Variants in TGS1 observed in about 807,000 individuals in gnomAD.
The protein encoded by TGS1 is trimethylguanosine synthase.
In TGS1, 69 loss-of-function variants were observed where a neutral mutation model predicts 92.2. The observed-to-expected ratio is 0.75, with a 90% CI of 0.62 to 0.91. The LOEUF is 0.91. Among genes scored for constraint, TGS1 ranks in the 40% least tolerant of loss-of-function variants. TGS1 has a pLI of 0.00. For missense variants in TGS1, 1,062 were observed against 1,001.2 expected, an observed-to-expected ratio of 1.06 and a Z score of -0.82; for synonymous variants, 345 against 338.1, an observed-to-expected ratio of 1.02 and a Z score of -0.22.
chr8:55,819,255 C>T (rs918413351), intron 12 of TGS1, among the ~76,000 whole-genome samples: 7 of 148,568 alleles, frequency 4.7e-5, no homozygotes, highest in African/African-American at 1.7e-4. Context: ...CCTCTTAGGA[C>T]ACCAGTGTAG....
At position 55,799,173 on chromosome 8, in the gene TGS1, AT is replaced by A. The variant is rs769463533; in HGVS notation, c.1804del (p.Cys602ValfsTer18). Reference protein sequence around the residue: ...SLLATVPDEQDCVTQEVPDSR... With the variant: ...SLLATVPDEQXCVTQEVPDSR... ...CTAGCAACTGTTCCAGATGAGCAGG[AT>A]TGTGTTACTCAAGAAGTGCCAGACT... On this transcript the variant is annotated frameshift_variant, in exon 8 of 13. Transcript: ENST00000260129. LOFTEE classifies it high-confidence loss of function. 7 of 1,614,122 alleles carry A rather than the reference AT, an allele frequency of 4.3e-6. No individual in the cohort carries two copies. Among genetic ancestry groups the A allele is most frequent in the Non-Finnish European group, 5.9e-6 (7 of 1,180,018 alleles).
chr8:55,800,089 T>C (rs1812180439), intron 8 of TGS1, among the ~76,000 whole-genome samples: 1 of 152,208 alleles, frequency 6.6e-6, no homozygotes, highest in Non-Finnish European at 1.5e-5. Context: ...ATTATATTTA[T>C]TGTGATCCTT....
rs200570881 is a variant in TGS1, at chr8:55,822,068, C to T, written c.2440-2513C>T. On this transcript the variant is annotated intron_variant, in intron 12 of 12. Coordinates refer to ENST00000260129, the MANE Select transcript of TGS1 (RefSeq NM_024831.8). ...ACAACAACAATATTGGCTTTTTTTT[C>T]TTTCTTTCTTTTTTTTTTTGAGGCA... 5.4e-5 allele frequency among the ~76,000 whole-genome samples: 8 copies of T among 149,098 alleles called. No homozygotes were observed. The East Asian group carries it at 1.2e-3, about 22-fold the overall frequency.
intron 8 of TGS1, among the ~76,000 whole-genome samples, chr8:55,801,985 G>A (rs903631398): frequency 1.3e-5 from 2 of 152,132 alleles, no homozygotes; most frequent in African/African-American, 2.4e-5. Context: ...ACAAGCTCGG[G>A]AGATCAAGAC....
intron 1 of TGS1, 85 bp from the exon 2 acceptor site, chr8:55,782,663 T>A (rs1311866788): frequency 3.9e-6 from 4 of 1,017,006 alleles, no homozygotes; most frequent in Non-Finnish European, 5.8e-6. Context: ...TTTTTATTAA[T>A]TAATCTATGA....
intron 1 of TGS1, among the ~76,000 whole-genome samples, chr8:55,775,143 A>G (rs1811353041): frequency 1.3e-5 from 2 of 151,842 alleles, no homozygotes; most frequent in Admixed American, 1.3e-4. Flanking sequence ...AGTCCCAGCT[A>G]CTCTGGAGGC....
At chr8:55,818,993 G>A (rs1383432183) in intron 12 of TGS1, among the ~76,000 whole-genome samples, 1 of 152,106 alleles carries the variant, frequency 6.6e-6, no homozygotes, top group Admixed American at 6.6e-5. Flanking sequence ...CCACAAGGCT[G>A]CAGTACAGTG....
In TGS1 at chr8:55,801,972, A is replaced by T. The variant is rs1321116496; in HGVS notation, c.1850-485A>T. Among the ~76,000 whole-genome samples, 10 of 152,136 alleles carry T rather than the reference A, an allele frequency of 6.6e-5. No individual in the cohort carries two copies. The East Asian group carries it at 1.9e-3, about 30-fold the overall frequency. On this transcript the variant is annotated intron_variant, in intron 8 of 12. Coordinates refer to ENST00000260129, the MANE Select transcript of TGS1 (RefSeq NM_024831.8). ...CACTTTGGGAGGCCAAGGCGGGTGG[A>T]TCACAAGCTCGGGAGATCAAGACCA...
intron 7 of TGS1, among the ~76,000 whole-genome samples, chr8:55,797,926 G>T (rs1812104616): frequency 6.6e-6 from 1 of 152,004 alleles, no homozygotes; most frequent in South Asian, 2.1e-4. Context: ...GTTTTATTTT[G>T]TATTACATTT....
At position 55,782,719 on chromosome 8, in the gene TGS1, C is replaced by G. The variant is rs542095683; in HGVS notation, c.102-29C>G. On this transcript the variant is annotated intron_variant, in intron 1 of 12. Transcript: ENST00000260129. ...TCTAAACTGATGGCTTAATTCATTT[C>G]AATATGAACTGCTTAATCTGCTTCG... The G allele has an allele frequency of 2.8e-5, 43 of 1,554,036 alleles. No individual in the cohort carries two copies. In the South Asian group the frequency reaches 5.2e-4, roughly 19 times the overall value.
intron 5 of TGS1, among the ~76,000 whole-genome samples, chr8:55,790,922 C>G (rs1028757396): frequency 2.0e-5 from 3 of 152,032 alleles, no homozygotes; most frequent in African/African-American, 7.2e-5. Context: ...CACTTAGTAG[C>G]TATCAATGGA....
At position 55,773,578 on chromosome 8, in the gene TGS1, A is replaced by T; in HGVS notation, c.-41A>T. On this transcript the variant is annotated 5_prime_UTR_variant, in exon 1 of 13. Transcript: ENST00000260129. ...ACCGAGCGGAGGCCCGGCAGGCGCG[A>T]CCCGGGCTGCGTACGTCAGAGCTGC... 1 of 1,515,592 alleles carries T rather than the reference A, an allele frequency of 6.6e-7. No individual in the cohort carries two copies. Among genetic ancestry groups the T allele is most frequent in the Non-Finnish European group, 9.0e-7 (1 of 1,106,062 alleles). 93.9% of individuals were successfully genotyped at this position (1,515,592 alleles called of 1,614,324 possible).
Position 55,808,808 on chromosome 8 carries a change from C to T in TGS1, c.2144-2073C>T, listed in dbSNP as rs1803261285. On this transcript the variant is annotated intron_variant, in intron 10 of 12. Transcript: ENST00000260129. The stretch of plus-strand genomic sequence containing the variant: ...TACAGGCATGAGCCACCACCCCTAG[C>T]CTGTAGTGGGGTCCCATAATTTGCC... Among the ~76,000 whole-genome samples the T allele has an allele frequency of 2.0e-5, 3 of 152,252 alleles. No individual in the cohort carries two copies. In the South Asian group the frequency reaches 6.2e-4, roughly 32 times the overall value.
At chr8:55,780,092 A>G (rs1685903001) in intron 1 of TGS1, among the ~76,000 whole-genome samples, 1 of 151,200 alleles carries the variant, frequency 6.6e-6, no homozygotes, top group South Asian at 2.1e-4. Context: ...CCTAGCCTCA[A>G]GTGAGCCACC....
chr8:55,808,425 A>C (rs570120458), intron 10 of TGS1, among the ~76,000 whole-genome samples: 1 of 152,316 alleles, frequency 6.6e-6, no homozygotes, highest in East Asian at 1.9e-4. Flanking sequence ...CTGCTCCCTG[A>C]TAAAGTAGCA....
chr8:55,783,124 A>G lies in TGS1; in HGVS notation c.166+312A>G, dbSNP rs541680303. On this transcript the variant is annotated intron_variant, in intron 2 of 12. Transcript: ENST00000260129. ...AATTTAAAGCTTTGAAAAGTAGGGA[A>G]TATGTGGTTTCTGGCTGGACGTGGT... 1.2e-4 allele frequency among the ~76,000 whole-genome samples: 19 copies of G among 152,246 alleles called. 1 individual carries two copies. In the South Asian group the frequency reaches 3.9e-3, roughly 32 times the overall value.
At chr8:55,792,506 C>T (rs1306236445) in intron 5 of TGS1, among the ~76,000 whole-genome samples, 192 bp from the exon 6 acceptor site, 1 of 152,154 alleles carries the variant, frequency 6.6e-6, no homozygotes, top group Admixed American at 6.5e-5. Context: ...TCCAAATGCT[C>T]CTGGGTACTT....
rs759801879 is a variant in TGS1, at chr8:55,811,046, A to G, written c.2309A>G (p.Asp770Gly). The change falls in exon 11 of 13, where the codon GAC becomes GGC. Residue 770 changes from aspartate to glycine, a missense_variant. Physicochemically the swap from Asp to Gly is moderately conservative, Grantham distance 94. Transcript: ENST00000260129. ...VFLSPPWGGP[D>G]YATAETFDIR... is the part of the protein sequence containing the mutation. ...CTCAGCCCACCTTGGGGAGGGCCAG[A>G]CTATGCCACTGCAGAGACCTTTGAC... 6.2e-7 allele frequency: 1 copy of G among 1,614,190 alleles called. No homozygotes were observed. The highest frequency in any genetic ancestry group is 1.1e-5 in the South Asian group (1 of 91,088).
intron 8 of TGS1, among the ~76,000 whole-genome samples, chr8:55,801,582 CTTT>C (rs1212417955): frequency 1.5e-4 from 7 of 48,200 alleles, no homozygotes; most frequent in South Asian, 1.1e-3. Flanking sequence ...CCCCATCGTT[CTTT>C]TTTTTTTTTT....
Sources: gnomAD v4.1 joint callset for allele counts (sites outside exome capture counted in the v4.1 genomes callset) on GRCh38, gnomAD v4.1.1 for gene constraint, MANE v1.5 for transcripts, NCBI Gene and HGNC (gene_info 2026-07-23, HGNC 2026-07-21) for gene names.